SLC2A13: variants seen among roughly 807,000 people sequenced by gnomAD.
SLC2A13 encodes the protein solute carrier family 2 member 13, also known as proton myo-inositol cotransporter.
In SLC2A13, 32 loss-of-function variants were observed where a neutral mutation model predicts 64.4. The ratio of observed to expected loss-of-function variants is 0.50; its 90% CI spans 0.37 to 0.67. The LOEUF is 0.67. Among genes scored for constraint, SLC2A13 ranks in the 30% least tolerant of loss-of-function variants. The probability of loss-of-function intolerance (pLI) is 0.00; values close to 1 mark genes in which losing one functional copy is unlikely to be tolerated. For missense variants in SLC2A13, 743 were observed against 829.2 expected (o/e 0.90, Z 1.28); for synonymous variants, 338 against 327.1 (o/e 1.03, Z -0.36).
intron 3 of SLC2A13, among the ~76,000 whole-genome samples, chr12:39,993,484 T>A (rs1947173551): frequency 6.6e-6 from 1 of 152,222 alleles, no homozygotes; most frequent in Admixed American, 6.5e-5. Context: ...TGTGAGCCAG[T>A]TGCTAGGAAA....
chr12:40,057,717 G>A (rs1193786593), intron 1 of SLC2A13, among the ~76,000 whole-genome samples: 1 of 152,086 alleles, frequency 6.6e-6, no homozygotes, highest in Non-Finnish European at 1.5e-5. Flanking sequence ...TCTAGCATGT[G>A]ATAACAATGG....
chr12:39,763,009 A>G (rs1940216722), intron 9 of SLC2A13, among the ~76,000 whole-genome samples: 1 of 152,074 alleles, frequency 6.6e-6, no homozygotes, highest in African/African-American at 2.4e-5. Flanking sequence ...TATTTGGTCT[A>G]TGCCTTTCTA....
intron 3 of SLC2A13, among the ~76,000 whole-genome samples, chr12:40,023,455 CAGGATAAGAAACTAA>C (rs2136210266): frequency 6.6e-6 from 1 of 152,130 alleles, no homozygotes; most frequent in East Asian, 1.9e-4. Context: ...TTCGCTGGTA[CAGGATAAGAAACTAA>C]AGAAGTCAAA....
At chr12:40,026,961 T>A (rs1332016700) in intron 3 of SLC2A13, among the ~76,000 whole-genome samples, 1 of 151,554 alleles carries the variant, frequency 6.6e-6, no homozygotes, top group Non-Finnish European at 1.5e-5. Flanking sequence ...ATGCCTATAA[T>A]CCCAGCTACT....
At chr12:39,968,073 A>G (rs1300614948) in intron 3 of SLC2A13, among the ~76,000 whole-genome samples, 3 of 152,168 alleles carry the variant, frequency 2.0e-5, no homozygotes, top group Non-Finnish European at 4.4e-5. Context: ...GTCTATTCTC[A>G]TATTGCTAAT....
At chr12:39,821,635 C>G (rs1483165703) in intron 7 of SLC2A13, among the ~76,000 whole-genome samples, 2 of 152,124 alleles carry the variant, frequency 1.3e-5, no homozygotes, top group Non-Finnish European at 2.9e-5. Context: ...AATGGAACAC[C>G]TTCTATTTTA....
intron 1 of SLC2A13, among the ~76,000 whole-genome samples, chr12:40,089,527 C>A (rs900703445): frequency 2.6e-5 from 4 of 152,040 alleles, no homozygotes; most frequent in Non-Finnish European, 5.9e-5. Context: ...TAGAATCAAG[C>A]GGGACTAGAG....
At chr12:39,817,777 A>G in intron 7 of SLC2A13, among the ~76,000 whole-genome samples, 1 of 152,124 alleles carries the variant, frequency 6.6e-6, no homozygotes, top group Non-Finnish European at 1.5e-5. Flanking sequence ...AAAGCTATAA[A>G]CCTTATCAGG....
At chr12:40,054,043 T>C (rs1948299726) in intron 1 of SLC2A13, among the ~76,000 whole-genome samples, 2 of 152,200 alleles carry the variant, frequency 1.3e-5, no homozygotes, top group Non-Finnish European at 2.9e-5. Context: ...TTAGAGTCTG[T>C]TTCAAATCAC....
chr12:40,076,249 C>A (rs1050988988), intron 1 of SLC2A13, among the ~76,000 whole-genome samples: 1 of 152,182 alleles, frequency 6.6e-6, no homozygotes, highest in African/African-American at 2.4e-5. Context: ...CAAATTATTT[C>A]ATCTCCCAGG....
chr12:39,999,240 C>CA (rs1947284181), intron 3 of SLC2A13, among the ~76,000 whole-genome samples: 2 of 152,122 alleles, frequency 1.3e-5, no homozygotes, highest in African/African-American at 4.8e-5. Flanking sequence ...TGAAAAAGAA[C>CA]AGAATAACAG....
intron 1 of SLC2A13, among the ~76,000 whole-genome samples, chr12:40,057,218 T>G (rs959503657): frequency 1.3e-5 from 2 of 152,068 alleles, no homozygotes; most frequent in Non-Finnish European, 2.9e-5. Context: ...GTATAGAACA[T>G]CAATTTAATA....
intron 4 of SLC2A13, among the ~76,000 whole-genome samples, chr12:39,942,598 T>C (rs1357047002): frequency 1.3e-5 from 2 of 152,214 alleles, no homozygotes; most frequent in African/African-American, 4.8e-5. Context: ...TTATCAGTTC[T>C]CAGAGCTTTC....
chr12:40,044,833 A>G (rs542568303), intron 2 of SLC2A13, among the ~76,000 whole-genome samples: 1 of 152,332 alleles, frequency 6.6e-6, no homozygotes, highest in Non-Finnish European at 1.5e-5. Context: ...TCTTAATCCA[A>G]TCACTACTGT....
intron 6 of SLC2A13, among the ~76,000 whole-genome samples, chr12:39,858,383 G>A (rs989420906): frequency 2.0e-5 from 3 of 151,880 alleles, no homozygotes; most frequent in African/African-American, 7.3e-5. Flanking sequence ...TAACCTCATG[G>A]TATATTAGCT....
intron 3 of SLC2A13, among the ~76,000 whole-genome samples, chr12:39,972,974 G>A (rs574738660): frequency 6.6e-6 from 1 of 152,266 alleles, no homozygotes; most frequent in African/African-American, 2.4e-5. Context: ...GGCTGAGGCA[G>A]GAGAATTGCT....
At chr12:39,895,537 T>G (rs1214848646) in intron 4 of SLC2A13, among the ~76,000 whole-genome samples, 1 of 106,156 alleles carries the variant, frequency 9.4e-6, no homozygotes, top group Non-Finnish European at 1.9e-5. Context: ...TATATATATA[T>G]ATATATATAT....
chr12:39,902,235 A>G (rs1419651026), intron 4 of SLC2A13, among the ~76,000 whole-genome samples: 1 of 151,624 alleles, frequency 6.6e-6, no homozygotes, highest in East Asian at 1.9e-4. Context: ...GATATACCTA[A>G]TGCTAAATGA....
At chr12:39,792,622 T>A (rs1233602553) in intron 7 of SLC2A13, among the ~76,000 whole-genome samples, 1 of 152,124 alleles carries the variant, frequency 6.6e-6, no homozygotes, top group Non-Finnish European at 1.5e-5. Flanking sequence ...AGTTCCAGGA[T>A]CCCTGTGGAT....
Sources: gnomAD v4.1 joint callset for allele counts (sites outside exome capture counted in the v4.1 genomes callset) on GRCh38, gnomAD v4.1.1 for gene constraint, MANE v1.5 for transcripts, NCBI Gene and HGNC (gene_info 2026-07-23, HGNC 2026-07-21) for gene names.